The following ADPRHL1 variants were observed in gnomAD, a reference collection of about 807,000 sequenced individuals.
The protein encoded by ADPRHL1 is ADP-ribosylhydrolase like 1, also known as inactive ADP-ribosyltransferase ARH2.
Under a neutral mutation model 44.1 loss-of-function variants are expected in ADPRHL1, and 43 were observed. The observed-to-expected ratio is 0.98, with a 90% CI of 0.76 to 1.26. ADPRHL1 has a LOEUF of 1.26. Among genes scored for constraint, ADPRHL1 ranks in the 50% most tolerant of loss-of-function variants. The pLI is 0.00. For synonymous variants in ADPRHL1, 878 were observed against 1,017.4 expected (o/e 0.86, Z 2.61); for missense variants, 2,022 against 2,496.9 (o/e 0.81, Z 4.05).
In ADPRHL1 at chr13:113,403,694, G is replaced by A. The variant is rs2043780788; in HGVS notation, c.5588C>T (p.Pro1863Leu). The A allele has an allele frequency of 1.6e-6, 2 of 1,231,996 alleles. No homozygotes were observed. Among genetic ancestry groups the A allele is most frequent in the Admixed American group, 4.2e-5 (1 of 23,714 alleles). 76.3% of individuals were successfully genotyped at this position (1,231,996 alleles called of 1,614,324 possible). ...GCCCCTGAGGGGGCGGCTTCCTGGGGGTGGGTACCCGGCGCTGGGCTCCCC... is the reference window on the plus strand; with the variant it reads ...GCCCCTGAGGGGGCGGCTTCCTGGGAGTGGGTACCCGGCGCTGGGCTCCCC... ...GLGEPSAGYP[P>L]PGSRPLRGKS... The change falls in exon 8 of 8, where the codon CCC (proline) becomes CTC (leucine). Residue 1863 changes from proline to leucine, a missense_variant. Coordinates refer to ENST00000612156, the MANE Select transcript of ADPRHL1 (RefSeq NM_001394807.1).
At chr13:113,433,944 AT>A in intron 2 of ADPRHL1, 77 bp from the exon 3 acceptor site, 1 of 1,447,780 alleles carries the variant, frequency 6.9e-7, no homozygotes, top group Non-Finnish European at 9.1e-7. Context: ...TTCATGAATA[AT>A]TTTAAAAGTA....
intron 2 of ADPRHL1, among the ~76,000 whole-genome samples, chr13:113,440,582 A>G (rs2044089882): frequency 1.3e-5 from 2 of 151,838 alleles, no homozygotes; most frequent in Non-Finnish European, 2.9e-5. Flanking sequence ...CAGCCTCCCA[A>G]GTAGCTGGGA....
intron 7 of ADPRHL1, among the ~76,000 whole-genome samples, chr13:113,412,856 TCGGTTC>T (rs1566467761): frequency 1.8e-4 from 9 of 51,246 alleles, no homozygotes; most frequent in Non-Finnish European, 2.6e-4. Context: ...CCCGCAGAGC[TCGGTTC>T]ACCCACCGCC....
Position 113,405,896 on chromosome 13 carries a change from G to A in ADPRHL1, c.3386C>T (p.Ala1129Val), listed in dbSNP as rs1386106541. ...TCCAGGGCTCTGGGTGCTGCCTGGCGCTGGTGCAGGCGTGGCGCGGCTCGC... is the reference window on the plus strand; with the variant it reads ...TCCAGGGCTCTGGGTGCTGCCTGGCACTGGTGCAGGCGTGGCGCGGCTCGC... Reference protein sequence around the residue: ...SVASRATPAPAPGSTQSPGDR... With the variant: ...SVASRATPAPVPGSTQSPGDR... The change falls in exon 8 of 8, where the codon GCG (alanine) becomes GTG (valine). Residue 1129 changes from alanine (A) to valine (V), a missense_variant. Physicochemically the swap from Ala to Val is moderately conservative, Grantham distance 64. Around this residue, in one of 8 missense-constraint regions of ADPRHL1, gnomAD observed 1,221 missense variants for 1,517.8 expected, o/e 0.80. Coordinates refer to ENST00000612156, the MANE Select transcript of ADPRHL1 (RefSeq NM_001394807.1). 11 of 1,232,034 alleles carry A rather than the reference G, an allele frequency of 8.9e-6. No individual in the cohort carries two copies. In the East Asian group the frequency reaches 9.5e-5, roughly 11 times the overall value. 76.3% of individuals were successfully genotyped at this position (1,232,034 alleles called of 1,614,324 possible).
In ADPRHL1 at chr13:113,445,895, C is replaced by T. The variant is rs1035489418; in HGVS notation, c.215-1306G>A. On this transcript the variant is annotated intron_variant, in intron 1 of 7. Transcript: ENST00000612156. ...TGCAAACCCCTGGAGAGAGCACGCG[C>T]GTGTAGGGACCATGGCTGCAAACCC... Among the ~76,000 whole-genome samples the T allele has an allele frequency of 2.7e-5, 4 of 147,870 alleles. No individual in the cohort carries two copies. In the East Asian group the frequency reaches 8.1e-4, roughly 30 times the overall value.
intron 2 of ADPRHL1, among the ~76,000 whole-genome samples, chr13:113,444,059 C>T (rs2044118147): frequency 6.6e-6 from 1 of 152,258 alleles, no homozygotes; most frequent in Non-Finnish European, 1.5e-5. Context: ...AAGGAGGGGC[C>T]CCGCCTGTGT....
At chr13:113,423,058 A>T (rs114767153) in intron 6 of ADPRHL1, 79 bp from the exon 7 acceptor site, 38,553 of 1,577,392 alleles carry the variant, frequency 0.024, 667 homozygotes, top group South Asian at 0.067. Flanking sequence ...GGCCGCCCCT[A>T]AGGTGGGCCA....
chr13:113,411,226 C>T (rs566601105), intron 7 of ADPRHL1, among the ~76,000 whole-genome samples: 36 of 152,184 alleles, frequency 2.4e-4, no homozygotes, highest in Non-Finnish European at 5.0e-4. Flanking sequence ...TGTTAGGAGG[C>T]GAGCTTGGAT....
chr13:113,405,163 T>C lies in ADPRHL1; in HGVS notation c.4119A>G (p.Thr1373=), dbSNP rs967825481. The change falls in exon 8 of 8, where the codon ACA becomes ACG. Residue 1373 remains threonine, a synonymous_variant. Coordinates refer to ENST00000612156, the MANE Select transcript of ADPRHL1 (RefSeq NM_001394807.1). ...QAGESQERPL[T]QADLGRQQSH... is the part of the protein sequence containing the mutation. ...TCTGTTGCCTCCCCAGGTCCGCCTG[T>C]GTCAGGGGACGCTCCTGGGATTCAC... The C allele has an allele frequency of 1.5e-5, 19 of 1,231,824 alleles. No homozygotes were observed. Among genetic ancestry groups the C allele is most frequent in the Non-Finnish European group, 1.9e-5 (19 of 988,124 alleles). The allele number at this position is 1,231,824 out of a possible 1,614,324, so 76.3% of individuals were successfully genotyped here. A position where few individuals can be genotyped will look rare whatever the true frequency, so the allele number is the denominator to read the frequency against.
Position 113,441,268 on chromosome 13 carries a change from G to A in ADPRHL1, c.379+3157C>T, listed in dbSNP as rs149708539. Among the ~76,000 whole-genome samples the A allele has an allele frequency of 3.4e-4, 51 of 152,232 alleles. No individual in the cohort carries two copies. The highest frequency in any genetic ancestry group is 2.5e-3 in the Admixed American group (38 of 15,284). On this transcript the variant is annotated intron_variant, in intron 2 of 7. Transcript: ENST00000612156. This position sits in a 1 kb window ranked among gnomAD's most constrained non-coding sequence, Gnocchi z 6.0. ...GGGGTCTTCACACCATTCGCATTTG[G>A]CGTCATTATTATTATCTTGTTTGTT...
chr13:113,451,752 G>A (rs748881730), intron 1 of ADPRHL1, among the ~76,000 whole-genome samples: 3 of 152,186 alleles, frequency 2.0e-5, no homozygotes, highest in Non-Finnish European at 2.9e-5. Flanking sequence ...AGGTTGCAGT[G>A]AGCTGAGATC....
intron 7 of ADPRHL1, among the ~76,000 whole-genome samples, chr13:113,412,379 C>T (rs951343811): frequency 2.6e-5 from 4 of 152,162 alleles, no homozygotes; most frequent in Admixed American, 6.5e-5. Flanking sequence ...GGGGTTTCAC[C>T]ATGTTAGCCA....
rs1330125463 is a variant in ADPRHL1 at position 113,406,734 on chromosome 13, CA to C, written c.2547del (p.Val850SerfsTer40). On this transcript the variant is annotated frameshift_variant, in exon 8 of 8. Coordinates refer to ENST00000612156, the MANE Select transcript of ADPRHL1 (RefSeq NM_001394807.1). LOFTEE classifies it low-confidence loss of function (END_TRUNC). ...GTGGGAGGGGCTGGCATTTCATGGACAACTGGAATTTGGACAGTTATCCGTG... is the reference window on the plus strand; with the variant it reads ...GTGGGAGGGGCTGGCATTTCATGGACACTGGAATTTGGACAGTTATCCGTG... ...EPPRITVQIP[V>X]VHEMPAPPTR... 59 of 1,231,872 alleles carry C rather than the reference CA, an allele frequency of 4.8e-5. 1 individual carries two copies. The East Asian group carries it at 1.8e-3, about 38-fold the overall frequency. 76.3% of individuals were successfully genotyped at this position (1,231,872 alleles called of 1,614,324 possible).
intron 4 of ADPRHL1, among the ~76,000 whole-genome samples, chr13:113,428,009 T>C (rs1187746481): frequency 6.6e-6 from 1 of 152,244 alleles, no homozygotes; most frequent in Non-Finnish European, 1.5e-5. Context: ...CTCATGCCTG[T>C]AATCCCAGCA....
Position 113,405,171 on chromosome 13 carries a change from G to T in ADPRHL1, c.4111C>A (p.Pro1371Thr). The T allele has an allele frequency of 8.9e-6, 11 of 1,231,950 alleles. No homozygotes were observed. Among genetic ancestry groups the T allele is most frequent in the African/African-American group, 1.5e-5 (1 of 64,548 alleles). The allele number at this position is 1,231,950 out of a possible 1,614,324, so 76.3% of individuals were successfully genotyped here. A position where few individuals can be genotyped will look rare whatever the true frequency, so the allele number is the denominator to read the frequency against. ...RTQAGESQER[P>T]LTQADLGRQQ... ...CTCCCCAGGTCCGCCTGTGTCAGGG[G>T]ACGCTCCTGGGATTCACCTGCCTGC... Residue 1371 changes from proline to threonine, a missense_variant, in exon 8 of 8, where the codon CCC becomes ACC. This residue lies in a region of ADPRHL1 where 1,221 missense variants were observed against 1,517.8 expected (regional missense o/e 0.80). Coordinates refer to ENST00000612156, the MANE Select transcript of ADPRHL1 (RefSeq NM_001394807.1).
At chr13:113,431,001 T>C (rs1384340887) in intron 3 of ADPRHL1, among the ~76,000 whole-genome samples, 1 of 152,132 alleles carries the variant, frequency 6.6e-6, no homozygotes, top group Non-Finnish European at 1.5e-5. Flanking sequence ...GGATGGGGCA[T>C]GTGGGGCTGA....
At chr13:113,424,455 C>T (rs2043948740) in intron 5 of ADPRHL1, 106 bp from the exon 6 acceptor site, 1 of 1,467,090 alleles carries the variant, frequency 6.8e-7, no homozygotes, top group South Asian at 1.3e-5. Flanking sequence ...CCATTTCATC[C>T]ATCCACCCTT....
chr13:113,415,035 C>T (rs565958517), intron 7 of ADPRHL1, among the ~76,000 whole-genome samples: 15 of 152,236 alleles, frequency 9.9e-5, no homozygotes, highest in Non-Finnish European at 2.1e-4. Context: ...CCATGAAGAT[C>T]AGGGAGGGCG....
chr13:113,452,960 A>G (rs1595559543), intron 1 of ADPRHL1, among the ~76,000 whole-genome samples: 1 of 152,204 alleles, frequency 6.6e-6, no homozygotes, highest in East Asian at 1.9e-4. Context: ...ACAAGTGAAA[A>G]GTCACGTTTA....
Sources: gnomAD v4.1 joint callset for allele counts (sites outside exome capture counted in the v4.1 genomes callset) on GRCh38, gnomAD v4.1.1 for gene constraint, gnomAD v4.1.1 regional missense constraint, Gnocchi (gnomAD v3.1) non-coding constraint, MANE v1.5 for transcripts, NCBI Gene and HGNC (gene_info 2026-07-23, HGNC 2026-07-21) for gene names.